TCERG1L: variants seen among roughly 807,000 people sequenced by gnomAD.
TCERG1L encodes the protein transcription elongation regulator 1-like protein.
A neutral mutation model predicts 56.3 loss-of-function variants in TCERG1L; 37 were observed. That is an observed-to-expected ratio of 0.66 (90% CI 0.51 to 0.87). The LOEUF (loss-of-function observed/expected upper bound fraction) is 0.87, where lower values mean the gene tolerates loss of function less well. TCERG1L is among the 40% of genes least tolerant of loss of function. The probability of loss-of-function intolerance (pLI) is 0.00; values close to 1 mark genes in which losing one functional copy is unlikely to be tolerated. For missense variants in TCERG1L, 799 were observed against 774.2 expected, an observed-to-expected ratio of 1.03 and a Z score of -0.38; for synonymous variants, 324 against 326.3, an observed-to-expected ratio of 0.99 and a Z score of 0.08.
chr10:131,308,759 CA>C, intron 2 of TCERG1L, among the ~76,000 whole-genome samples: 1 of 152,126 alleles, frequency 6.6e-6, no homozygotes, highest in East Asian at 1.9e-4. Context: ...ACCCGAAAGC[CA>C]AAACAAACCA....
intron 3 of TCERG1L, among the ~76,000 whole-genome samples, chr10:131,297,140 T>A (rs2133579016): frequency 6.6e-6 from 1 of 152,350 alleles, no homozygotes; most frequent in East Asian, 1.9e-4. Flanking sequence ...GTTTTTCATC[T>A]TAGAGGGAAA....
intron 4 of TCERG1L, among the ~76,000 whole-genome samples, chr10:131,219,189 G>T (rs988777159): frequency 9.2e-5 from 14 of 152,122 alleles, no homozygotes; most frequent in Admixed American, 3.3e-4. Context: ...GGCTGCCATC[G>T]CCCTTGCCCC....
Position 131,126,730 on chromosome 10 carries a change from C to G in TCERG1L, c.1259+7649G>C, listed in dbSNP as rs113145463. 3.3e-5 allele frequency among the ~76,000 whole-genome samples: 5 copies of G among 152,204 alleles called. No individual in the cohort carries two copies. The East Asian group carries it at 9.6e-4, about 29-fold the overall frequency. ...TGCAGTCTCCTCATGTGGGAACTCA[C>G]GCTGGTGGCTCCAGAGAGGCAGCAC... On this transcript the variant is annotated intron_variant, in intron 8 of 11. Coordinates refer to ENST00000368642, the MANE Select transcript of TCERG1L (RefSeq NM_174937.4).
At position 131,103,216 on chromosome 10, in the gene TCERG1L, GA is replaced by G. The variant is rs1441679400; in HGVS notation, c.1485+1048del. On this transcript the variant is annotated intron_variant, in intron 10 of 11. Coordinates refer to ENST00000368642, the MANE Select transcript of TCERG1L (RefSeq NM_174937.4). The surrounding 1 kb of genome is among the most constrained non-coding windows in gnomAD (Gnocchi z 4.3). The stretch of plus-strand genomic sequence containing the variant: ...ATACACATGCCATCGTAAATGACAA[GA>G]ATATTCAGGGAGGTAAAAAAAAGGC... 1.3e-5 allele frequency among the ~76,000 whole-genome samples: 2 copies of G among 151,908 alleles called. No individual in the cohort carries two copies. The highest frequency in any genetic ancestry group is 2.9e-5 in the Non-Finnish European group (2 of 68,010).
In TCERG1L at chr10:131,192,062, A is replaced by G. The variant is rs533350153; in HGVS notation, c.857-25177T>C. On this transcript the variant is annotated intron_variant, in intron 4 of 11. Coordinates refer to ENST00000368642, the MANE Select transcript of TCERG1L (RefSeq NM_174937.4). The stretch of plus-strand genomic sequence containing the variant: ...TAAACTAAAAAAGCTTCTGCATAGC[A>G]AAAGAAATAATCAGCAGAGTAAACT... 5.6e-5 allele frequency among the ~76,000 whole-genome samples: 8 copies of G among 142,910 alleles called. 2 individuals carry two copies. The highest frequency in any genetic ancestry group is 1.4e-4 in the Admixed American group (2 of 14,336). The allele number at this position is 142,910 out of a possible 152,430, so 93.8% of individuals were successfully genotyped here.
intron 7 of TCERG1L, among the ~76,000 whole-genome samples, chr10:131,134,968 C>T: frequency 6.6e-6 from 1 of 152,208 alleles, no homozygotes; most frequent in South Asian, 2.1e-4. Context: ...CCATCTACTT[C>T]CAAAAGCCAA....
intron 4 of TCERG1L, among the ~76,000 whole-genome samples, chr10:131,257,015 AAGAAAGAAAG>A (rs1183167589): frequency 2.1e-5 from 3 of 146,268 alleles, no homozygotes; most frequent in Non-Finnish European, 4.5e-5. Flanking sequence ...GAAAGAAAGA[AAGAAAGAAAG>A]AAAGAAAGAA....
chr10:131,180,128 G>A lies in TCERG1L; in HGVS notation c.857-13243C>T, dbSNP rs559319513. ...ACTCCAGCACACAGCTCAGAGGGGA[G>A]AGAGGCTAGGGGATGGTGACATTGA... On this transcript the variant is annotated intron_variant, in intron 4 of 11. Coordinates refer to ENST00000368642, the MANE Select transcript of TCERG1L (RefSeq NM_174937.4). Among the ~76,000 whole-genome samples, 23 of 152,200 alleles carry A rather than the reference G, an allele frequency of 1.5e-4. 2 individuals are homozygous for A. The South Asian group carries it at 4.6e-3, about 30-fold the overall frequency.
At chr10:131,116,764 C>G (rs377682367) in intron 9 of TCERG1L, 35 bp downstream of exon 9, 3 of 1,544,626 alleles carry the variant, frequency 1.9e-6, no homozygotes, top group Middle Eastern at 1.7e-4. Flanking sequence ...CCGGGTCTGC[C>G]GTAGGAGTGC....
intron 4 of TCERG1L, among the ~76,000 whole-genome samples, chr10:131,199,189 T>C (rs1408470264): frequency 6.6e-6 from 1 of 152,178 alleles, no homozygotes; most frequent in Non-Finnish European, 1.5e-5. Flanking sequence ...CATCTGGCCG[T>C]GGCCTATCTG....
At chr10:131,185,736 TAAC>T (rs1845233999) in intron 4 of TCERG1L, among the ~76,000 whole-genome samples, 1 of 150,552 alleles carries the variant, frequency 6.6e-6, no homozygotes. Flanking sequence ...TAAAGGAAAA[TAAC>T]AAGTATTGAG....
intron 4 of TCERG1L, among the ~76,000 whole-genome samples, chr10:131,240,818 G>C (rs74805569): frequency 2.0e-5 from 3 of 152,204 alleles, no homozygotes; most frequent in African/African-American, 7.2e-5. Flanking sequence ...AGAGAAACAC[G>C]GGCTTCTAGA....
intron 8 of TCERG1L, among the ~76,000 whole-genome samples, chr10:131,119,177 AG>A (rs1289161863): frequency 6.6e-6 from 1 of 152,140 alleles, no homozygotes; most frequent in Non-Finnish European, 1.5e-5. Context: ...GGTCTGTCCA[AG>A]GTCCTGGGAA....
chr10:131,099,507 A>G (rs1845284128), intron 10 of TCERG1L, among the ~76,000 whole-genome samples: 1 of 152,208 alleles, frequency 6.6e-6, no homozygotes, highest in African/African-American at 2.4e-5. Context: ...GCCAATAAAT[A>G]GCAACTGGGC....
At chr10:131,134,810 G>A (rs1459331712) in intron 7 of TCERG1L, among the ~76,000 whole-genome samples, 2 of 152,110 alleles carry the variant, frequency 1.3e-5, no homozygotes, top group East Asian at 3.9e-4. Context: ...GGAACCATGA[G>A]ACCGGGGCCA....
At chr10:131,214,174 C>T (rs749641273) in intron 4 of TCERG1L, among the ~76,000 whole-genome samples, 1 of 152,132 alleles carries the variant, frequency 6.6e-6, no homozygotes, top group Non-Finnish European at 1.5e-5. Flanking sequence ...AGAGAGCCTG[C>T]CCAGGGAGGG....
In TCERG1L at chr10:131,291,507, A is replaced by G. The variant is rs989089357; in HGVS notation, c.670+16704T>C. 2.3e-5 allele frequency among the ~76,000 whole-genome samples: 3 copies of G among 130,370 alleles called. No homozygotes were observed. In the Admixed American group the frequency reaches 2.8e-4, roughly 12 times the overall value. The allele number at this position is 130,370 out of a possible 152,430, so 85.5% of individuals were successfully genotyped here. Reference sequence around the variant, plus strand: ...AGTGGCGTGATCTCGGCTCACTGCAAGCTCCGCCTCCCAGGTTCATGCCAT... The same window carrying G: ...AGTGGCGTGATCTCGGCTCACTGCAGGCTCCGCCTCCCAGGTTCATGCCAT... On this transcript the variant is annotated intron_variant, in intron 3 of 11. Coordinates refer to ENST00000368642, the MANE Select transcript of TCERG1L (RefSeq NM_174937.4).
At chr10:131,172,047 G>T (rs1490361744) in intron 4 of TCERG1L, among the ~76,000 whole-genome samples, 1 of 152,162 alleles carries the variant, frequency 6.6e-6, no homozygotes, top group Non-Finnish European at 1.5e-5. Flanking sequence ...CATAAATATT[G>T]ACCTCCTTTG....
At chr10:131,160,454 C>T (rs1008805846) in intron 6 of TCERG1L, among the ~76,000 whole-genome samples, 1 of 152,134 alleles carries the variant, frequency 6.6e-6, no homozygotes, top group African/African-American at 2.4e-5. Context: ...CCCTACACCC[C>T]GCCACTCCCT....
Sources: gnomAD v4.1 joint callset for allele counts (sites outside exome capture counted in the v4.1 genomes callset) on GRCh38, gnomAD v4.1.1 for gene constraint, Gnocchi (gnomAD v3.1) non-coding constraint, MANE v1.5 for transcripts, NCBI Gene and HGNC (gene_info 2026-07-23, HGNC 2026-07-21) for gene names.